The following DYM variants were observed in gnomAD, a reference collection of about 807,000 sequenced individuals.
DYM encodes the protein dyggve-Melchior-Clausen syndrome protein.
Under a neutral mutation model 93.1 loss-of-function variants are expected in DYM, and 78 were observed. The observed-to-expected ratio is 0.84, with a 90% CI of 0.70 to 1.01. The LOEUF is 1.01. Among genes scored for constraint, DYM ranks in the 50% least tolerant of loss-of-function variants. The pLI, the probability that DYM is intolerant of heterozygous loss-of-function variation, is 0.00. For synonymous variants in DYM, 321 were observed against 319.7 expected, an observed-to-expected ratio of 1.00 and a Z score of -0.04; for missense variants, 789 against 845.0, an observed-to-expected ratio of 0.93 and a Z score of 0.82.
At chr18:49,065,359 A>G (rs1568363183) in intron 17 of DYM, among the ~76,000 whole-genome samples, 1 of 152,094 alleles carries the variant, frequency 6.6e-6, no homozygotes, top group Non-Finnish European at 1.5e-5. Flanking sequence ...TTCTAGTGAA[A>G]CAGTTAATTT....
chr18:49,193,563 TAAGAG>T (rs1479259062), intron 14 of DYM, among the ~76,000 whole-genome samples: 3 of 152,170 alleles, frequency 2.0e-5, no homozygotes, highest in African/African-American at 7.2e-5. Flanking sequence ...TTTTAAAACA[TAAGAG>T]AATAGAATTG....
intron 6 of DYM, among the ~76,000 whole-genome samples, chr18:49,339,266 G>A (rs1347868876): frequency 2.0e-5 from 3 of 152,186 alleles, no homozygotes; most frequent in Non-Finnish European, 4.4e-5. Context: ...ACGTGCCAAA[G>A]AAAAATCCAC....
intron 10 of DYM, among the ~76,000 whole-genome samples, chr18:49,279,193 A>T (rs1277530205): frequency 6.6e-6 from 1 of 152,188 alleles, no homozygotes; most frequent in East Asian, 1.9e-4. Flanking sequence ...AAACAAGTCA[A>T]ACAGTAGTGA....
At chr18:49,123,832 G>A (rs2082584096) in intron 15 of DYM, among the ~76,000 whole-genome samples, 1 of 152,150 alleles carries the variant, frequency 6.6e-6, no homozygotes, top group South Asian at 2.1e-4. Context: ...AATTAGTATA[G>A]AAGGAAGAGA....
intron 6 of DYM, among the ~76,000 whole-genome samples, chr18:49,348,260 C>A (rs2064778034): frequency 2.0e-5 from 3 of 152,042 alleles, no homozygotes; most frequent in Non-Finnish European, 4.4e-5. Context: ...AGGATTGAGA[C>A]CAAAATTTAG....
At chr18:49,289,840 G>A (rs905473241) in intron 8 of DYM, among the ~76,000 whole-genome samples, 8 of 128,996 alleles carry the variant, frequency 6.2e-5, no homozygotes, top group African/African-American at 1.8e-4. Context: ...TATTTTAAAC[G>A]GACAACGGAA....
At chr18:49,345,883 G>A (rs576928967) in intron 6 of DYM, among the ~76,000 whole-genome samples, 2 of 152,248 alleles carry the variant, frequency 1.3e-5, no homozygotes, top group African/African-American at 4.8e-5. Flanking sequence ...CTGAGCAAAG[G>A]ATATGAGCAA....
intron 16 of DYM, among the ~76,000 whole-genome samples, chr18:49,118,518 A>AT (rs1353047284): frequency 6.6e-6 from 1 of 152,160 alleles, no homozygotes; most frequent in African/African-American, 2.4e-5. Context: ...AAAAGTCAGA[A>AT]TAAAAAACTG....
intron 10 of DYM, among the ~76,000 whole-genome samples, chr18:49,281,071 T>C (rs2094960331): frequency 6.6e-6 from 1 of 152,046 alleles, no homozygotes; most frequent in East Asian, 1.9e-4. Context: ...AGGGCTAATA[T>C]CCAGAATCTG....
intron 2 of DYM, among the ~76,000 whole-genome samples, chr18:49,425,878 T>G (rs998257346): frequency 2.0e-5 from 3 of 151,878 alleles, no homozygotes; most frequent in African/African-American, 7.3e-5. Context: ...ATGGCGATCA[T>G]TAAAAAGTCA....
rs372074071 is a variant in DYM at position 49,044,016 on chromosome 18, G to T, written c.*39C>A. The T allele has an allele frequency of 6.2e-7, 1 of 1,611,264 alleles. No homozygotes were observed. Among genetic ancestry groups the T allele is most frequent in the South Asian group, 1.1e-5 (1 of 90,848 alleles). ...CAGAAATAAAAGAACTTGAAGGGCT[G>T]CTTGGCTGGAGGGGTCCGGGTGGGA... On this transcript the variant is annotated 3_prime_UTR_variant, in exon 18 of 18. Transcript: ENST00000675505.
At chr18:49,128,732 A>T (rs1230134267) in intron 15 of DYM, among the ~76,000 whole-genome samples, 1 of 152,200 alleles carries the variant, frequency 6.6e-6, no homozygotes, top group Non-Finnish European at 1.5e-5. Context: ...TTAAAATAGA[A>T]ACGTATTCAG....
At chr18:49,149,928 C>T (rs1211601680) in intron 15 of DYM, among the ~76,000 whole-genome samples, 3 of 151,978 alleles carry the variant, frequency 2.0e-5, no homozygotes. Context: ...AGGATGGTCT[C>T]GATCTCTTGA....
intron 17 of DYM, among the ~76,000 whole-genome samples, chr18:49,063,619 CTTTTTTTTTTTTT>C (rs67482709): frequency 1.1e-4 from 8 of 71,966 alleles, no homozygotes; most frequent in East Asian, 7.5e-4. Flanking sequence ...CTTTCTCTCT[CTTTTTTTTTTTTT>C]TTTTTTTTTT....
At chr18:49,222,902 A>T (rs1021931189) in intron 13 of DYM, among the ~76,000 whole-genome samples, 1 of 152,184 alleles carries the variant, frequency 6.6e-6, no homozygotes, top group Non-Finnish European at 1.5e-5. Flanking sequence ...TGAAAGTCAC[A>T]TGAAAGAATG....
intron 2 of DYM, among the ~76,000 whole-genome samples, chr18:49,426,600 C>T (rs1012008323): frequency 3.3e-5 from 5 of 151,682 alleles, no homozygotes; most frequent in South Asian, 2.1e-4. Flanking sequence ...AAACAGTTCA[C>T]GGAAAAGGAA....
chr18:49,142,000 C>A (rs1403236465), intron 15 of DYM, among the ~76,000 whole-genome samples: 6 of 151,508 alleles, frequency 4.0e-5, no homozygotes, highest in African/African-American at 1.5e-4. Context: ...ACTACAGGCG[C>A]CCACCACCAC....
intron 8 of DYM, among the ~76,000 whole-genome samples, chr18:49,330,197 T>G (rs1249042637): frequency 2.6e-5 from 4 of 152,214 alleles, no homozygotes. Flanking sequence ...TATAAAGATT[T>G]AGGAAGAAAG....
intron 8 of DYM, among the ~76,000 whole-genome samples, chr18:49,323,070 A>ATG (rs1195550248): frequency 6.6e-6 from 1 of 152,236 alleles, no homozygotes; most frequent in Non-Finnish European, 1.5e-5. Flanking sequence ...CCAAAGGACA[A>ATG]TGTAAGTGGT....
Sources: gnomAD v4.1 joint callset for allele counts (sites outside exome capture counted in the v4.1 genomes callset) on GRCh38, gnomAD v4.1.1 for gene constraint, MANE v1.5 for transcripts, NCBI Gene and HGNC (gene_info 2026-07-23, HGNC 2026-07-21) for gene names.